Variants in INSYN2B observed in about 807,000 individuals in gnomAD.
INSYN2B encodes protein INSYN2B.
In INSYN2B, 16 loss-of-function variants were observed where a neutral mutation model predicts 41.2. The ratio of observed to expected loss-of-function variants is 0.39; its 90% CI spans 0.26 to 0.59. INSYN2B has a LOEUF of 0.59. INSYN2B is among the 20% of genes least tolerant of loss of function. The pLI is 0.57. For synonymous variants in INSYN2B, 245 were observed against 244.4 expected (o/e 1.00, Z -0.02); for missense variants, 608 against 646.4 (o/e 0.94, Z 0.64).
At chr5:169,960,407 A>G (rs1777036693) in intron 1 of INSYN2B, among the ~76,000 whole-genome samples, 1 of 152,210 alleles carries the variant, frequency 6.6e-6, no homozygotes, top group African/African-American at 2.4e-5. Flanking sequence ...GCCATTGATA[A>G]TATTAATATG....
chr5:169,968,898 A>G (rs556271060), intron 1 of INSYN2B, among the ~76,000 whole-genome samples: 1 of 152,292 alleles, frequency 6.6e-6, no homozygotes, highest in African/African-American at 2.4e-5. Context: ...AAAATGAATT[A>G]TGCATTTTAG....
intron 1 of INSYN2B, among the ~76,000 whole-genome samples, chr5:169,958,064 T>G (rs921088374): frequency 6.6e-6 from 1 of 152,136 alleles, no homozygotes; most frequent in Non-Finnish European, 1.5e-5. Flanking sequence ...AGGGGATACG[T>G]TCCCTGTGTG....
intron 1 of INSYN2B, among the ~76,000 whole-genome samples, chr5:169,907,021 C>T (rs945529789): frequency 1.3e-5 from 2 of 152,120 alleles, no homozygotes; most frequent in Non-Finnish European, 2.9e-5. Flanking sequence ...AGAGCAGGGT[C>T]CCTGCTCTCA....
chr5:169,921,319 G>A (rs542119813), intron 1 of INSYN2B, among the ~76,000 whole-genome samples: 1 of 152,302 alleles, frequency 6.6e-6, no homozygotes, highest in South Asian at 2.1e-4. Flanking sequence ...TATAGGAATA[G>A]GAAATCTGTA....
intron 1 of INSYN2B, among the ~76,000 whole-genome samples, chr5:169,972,688 A>C (rs1440297004): frequency 1.3e-5 from 2 of 152,100 alleles, no homozygotes; most frequent in Non-Finnish European, 1.5e-5. Flanking sequence ...GACCATCATC[A>C]TACCTGACAT....
intron 1 of INSYN2B, among the ~76,000 whole-genome samples, chr5:169,972,586 T>TAGATAGATAGATAGATGATA (rs1554122913): frequency 2.9e-5 from 2 of 68,956 alleles, no homozygotes; most frequent in African/African-American, 7.0e-5. Context: ...GATAGATAGA[T>TAGATAGATAGATAGATGATA]GATAGATAGA....
Position 169,866,606 on chromosome 5 carries a change from C to T in INSYN2B, c.1422-2147G>A, listed in dbSNP as rs187263731. 1.7e-3 allele frequency among the ~76,000 whole-genome samples: 258 copies of T among 152,306 alleles called. 1 individual carries two copies. The highest frequency in any genetic ancestry group is 0.014 in the Admixed American group (211 of 15,302). On this transcript the variant is annotated intron_variant, in intron 3 of 3. Transcript: ENST00000377365. ...ATGGTAGGCAGACAATCTCCCTGGC[C>T]TCCTGGCACTGCTAATCCAGTGAAT...
At chr5:169,876,532 A>G (rs780727309) in intron 3 of INSYN2B, among the ~76,000 whole-genome samples, 1 of 152,226 alleles carries the variant, frequency 6.6e-6, no homozygotes, top group Non-Finnish European at 1.5e-5. Flanking sequence ...GTCCTGGGCA[A>G]TAATGTCTGA....
chr5:169,949,346 C>T (rs1413757908), intron 1 of INSYN2B, among the ~76,000 whole-genome samples: 7 of 152,120 alleles, frequency 4.6e-5, no homozygotes, highest in African/African-American at 1.7e-4. Flanking sequence ...CCTGGGAAGC[C>T]TCATGGAGGC....
chr5:169,957,524 G>A (rs1427270188), intron 1 of INSYN2B, among the ~76,000 whole-genome samples: 1 of 152,184 alleles, frequency 6.6e-6, no homozygotes, highest in Non-Finnish European at 1.5e-5. Flanking sequence ...AGGCTCAGAG[G>A]TGTCAGGTGA....
chr5:169,889,037 TC>T (rs1179527485), intron 1 of INSYN2B, among the ~76,000 whole-genome samples: 3 of 152,270 alleles, frequency 2.0e-5, no homozygotes, highest in African/African-American at 7.2e-5. Flanking sequence ...GACTCTAAGC[TC>T]CTTGAGAGAC....
At chr5:169,968,676 C>G (rs1000113997) in intron 1 of INSYN2B, among the ~76,000 whole-genome samples, 3 of 152,174 alleles carry the variant, frequency 2.0e-5, no homozygotes, top group Non-Finnish European at 4.4e-5. Flanking sequence ...TCACATTTTT[C>G]AATTTTATCA....
chr5:169,963,797 C>A lies in INSYN2B; in HGVS notation c.-919+16480G>T, dbSNP rs144274170. Among the ~76,000 whole-genome samples the A allele has an allele frequency of 5.7e-3, 862 of 152,266 alleles. 10 individuals are homozygous for A. Among genetic ancestry groups the A allele is most frequent in the African/African-American group, 0.02 (812 of 41,552 alleles). ...CTACAGATGCTCTCTAAGGCCCTGG[C>A]TCTTATCCTTGAGCACCCAGCAGAG... On this transcript the variant is annotated intron_variant, in intron 1 of 3. Coordinates refer to ENST00000377365, the MANE Select transcript of INSYN2B (RefSeq NM_001129891.3).
chr5:169,957,427 C>G (rs754790707), intron 1 of INSYN2B, among the ~76,000 whole-genome samples: 1 of 152,192 alleles, frequency 6.6e-6, no homozygotes. Context: ...TAGCTTAGTA[C>G]TACTTTTTCT....
chr5:169,963,373 C>T (rs1282864432), intron 1 of INSYN2B, among the ~76,000 whole-genome samples: 2 of 152,166 alleles, frequency 1.3e-5, no homozygotes, highest in African/African-American at 4.8e-5. Context: ...GATTAGGCCT[C>T]CATCCCTCTC....
In INSYN2B at chr5:169,883,262, A is replaced by G; in HGVS notation, c.637T>C (p.Ser213Pro). Residue 213 changes from serine (S) to proline (P), a missense_variant, in exon 2 of 4, where the codon TCC becomes CCC. Ser to Pro is a moderately conservative substitution (Grantham distance 74). Transcript: ENST00000377365. ...AGAGCAGACTCTCTAGCTTCCCAGG[A>G]AGGACTGTGATAAATATCATCTGGA... ...QVPDDIYHSPSWEARESALSP... is the reference protein window; with the variant it reads ...QVPDDIYHSPPWEARESALSP... 1 of 1,551,550 alleles carries G rather than the reference A, an allele frequency of 6.4e-7. No homozygotes were observed. Among genetic ancestry groups the G allele is most frequent in the Non-Finnish European group, 8.7e-7 (1 of 1,146,948 alleles).
chr5:169,866,711 G>C (rs1771584341), intron 3 of INSYN2B, among the ~76,000 whole-genome samples: 3 of 152,178 alleles, frequency 2.0e-5, no homozygotes, highest in Admixed American at 6.5e-5. Flanking sequence ...AGTGGGCAGA[G>C]GCATGTGCAG....
intron 1 of INSYN2B, among the ~76,000 whole-genome samples, chr5:169,914,632 T>G (rs1247537089): frequency 6.6e-6 from 1 of 152,208 alleles, no homozygotes; most frequent in Non-Finnish European, 1.5e-5. Flanking sequence ...ATCAAGAGTT[T>G]CCACATAGAA....
rs900927113 is a variant in INSYN2B, at chr5:169,884,621, G to T, written c.-723C>A. 6.6e-6 allele frequency: 1 copy of T among 152,202 alleles called. No individual in the cohort carries two copies. The highest frequency in any genetic ancestry group is 2.4e-5 in the African/African-American group (1 of 41,428). 9.4% of individuals were successfully genotyped at this position (152,202 alleles called of 1,614,324 possible). Reference sequence around the variant, plus strand: ...AAATAGCCTCACAAAACCCAGTGGGGTATGACCAGGACAGGATTGAGGAAT... The same window carrying T: ...AAATAGCCTCACAAAACCCAGTGGGTTATGACCAGGACAGGATTGAGGAAT... On this transcript the variant is annotated 5_prime_UTR_variant, in exon 2 of 4. Transcript: ENST00000377365.
Sources: allele counts gnomAD v4.1 joint callset (sites outside exome capture counted in the v4.1 genomes callset), GRCh38; gene constraint gnomAD v4.1.1; transcripts MANE v1.5; gene names NCBI Gene and HGNC (gene_info 2026-07-23, HGNC 2026-07-21).